The following ZFHX4 variants were observed in gnomAD, a reference collection of about 807,000 sequenced individuals.
ZFHX4 encodes zinc finger homeobox 4, also known as zinc finger homeobox protein 4.
ZFHX4 carries 56 observed loss-of-function variants against 267.6 expected under a neutral mutation model. The ratio of observed to expected loss-of-function variants is 0.21; its 90% CI spans 0.17 to 0.26. The LOEUF (loss-of-function observed/expected upper bound fraction) is 0.26, where lower values mean the gene tolerates loss of function less well. Among genes scored for constraint, ZFHX4 ranks in the 10% least tolerant of loss-of-function variants. The pLI, the probability that ZFHX4 is intolerant of heterozygous loss-of-function variation, is 1.00. For synonymous variants in ZFHX4, 1,778 were observed against 1,665.6 expected, an observed-to-expected ratio of 1.07 and a Z score of -1.64; for missense variants, 4,332 against 4,420.0, an observed-to-expected ratio of 0.98 and a Z score of 0.56.
At position 76,681,507 on chromosome 8, in the gene ZFHX4, T is replaced by G. The variant is rs911387319; in HGVS notation, c.-160T>G. The G allele has an allele frequency of 1.8e-5, 7 of 398,536 alleles. No individual in the cohort carries two copies. The highest frequency in any genetic ancestry group is 1.2e-4 in the African/African-American group (6 of 48,516). 24.7% of individuals were successfully genotyped at this position (398,536 alleles called of 1,614,324 possible). ...AGTTCGAGGATTATTTTTTATTTTT[T>G]TTGTTTTTTTAATGAACCCTCTCGT... On this transcript the variant is annotated 5_prime_UTR_variant, in exon 1 of 11. Transcript: ENST00000651372.
At chr8:76,849,202 T>C (rs1812444339) in intron 7 of ZFHX4, 74 bp downstream of exon 7, 1 of 1,453,054 alleles carries the variant, frequency 6.9e-7, no homozygotes. Flanking sequence ...AAGCCCCAAA[T>C]GATTCCATGC....
At chr8:76,703,594 C>G (rs1808159900) in intron 1 of ZFHX4, 1 of 154,250 alleles carries the variant, frequency 6.5e-6, no homozygotes, top group African/African-American at 2.4e-5. Flanking sequence ...ATCTCCCCTT[C>G]TAGTCACTGC....
chr8:76,720,683 T>G (rs965116049), intron 3 of ZFHX4, among the ~76,000 whole-genome samples: 1 of 152,204 alleles, frequency 6.6e-6, no homozygotes, highest in Non-Finnish European at 1.5e-5. Flanking sequence ...CTTATCCATC[T>G]TCTGTTCTTC....
At chr8:76,797,312 G>T (rs1811004706) in intron 4 of ZFHX4, among the ~76,000 whole-genome samples, 1 of 152,176 alleles carries the variant, frequency 6.6e-6, no homozygotes. Context: ...ATAAACAAGT[G>T]TTTTTAGAAA....
chr8:76,833,292 CTGGATA>C, intron 4 of ZFHX4, 40 bp from the exon 5 acceptor site: 1 of 1,538,372 alleles, frequency 6.5e-7, no homozygotes, highest in Non-Finnish European at 8.9e-7. Flanking sequence ...GATGAGAGAG[CTGGATA>C]TGGCATGCTG....
At chr8:76,810,519 C>T (rs1316486873) in intron 4 of ZFHX4, among the ~76,000 whole-genome samples, 1 of 152,136 alleles carries the variant, frequency 6.6e-6, no homozygotes, top group Non-Finnish European at 1.5e-5. Context: ...TAACCCTGGC[C>T]TCCAATGCTT....
At chr8:76,756,583 C>A (rs566569390) in intron 3 of ZFHX4, among the ~76,000 whole-genome samples, 111 of 152,116 alleles carry the variant, frequency 7.3e-4, no homozygotes, top group African/African-American at 2.6e-3. Flanking sequence ...CATGCATATA[C>A]CATCTATTAC....
At chr8:76,744,427 AT>A (rs1809403218) in intron 3 of ZFHX4, among the ~76,000 whole-genome samples, 1 of 151,356 alleles carries the variant, frequency 6.6e-6, no homozygotes, top group Admixed American at 6.6e-5. Flanking sequence ...TTATTTTTTT[AT>A]TTTTGAGACA....
At chr8:76,833,537 T>C (rs536240745) in intron 5 of ZFHX4, 131 bp downstream of exon 5, 1 of 645,546 alleles carries the variant, frequency 1.5e-6, no homozygotes, top group African/African-American at 1.9e-5. Flanking sequence ...CTTATTCAAA[T>C]AAGTAAAAAG....
Position 76,866,382 on chromosome 8 carries a change from GT to G in ZFHX4, c.*1822del, listed in dbSNP as rs1340578197. ...TCATTTTACATTTTATTATTGTACA[GT>G]TTTTGTTTCGGATGATGATCACAGC... is the stretch of plus-strand genomic sequence containing the variant. On this transcript the variant is annotated 3_prime_UTR_variant, in exon 11 of 11. Transcript: ENST00000651372. The G allele has an allele frequency of 1.3e-5, 2 of 151,782 alleles. No individual in the cohort carries two copies. The highest frequency in any genetic ancestry group is 1.5e-5 in the Non-Finnish European group (1 of 67,910). 9.4% of individuals were successfully genotyped at this position (151,782 alleles called of 1,614,324 possible).
At chr8:76,823,483 T>A (rs929574995) in intron 4 of ZFHX4, among the ~76,000 whole-genome samples, 2 of 152,180 alleles carry the variant, frequency 1.3e-5, no homozygotes, top group African/African-American at 2.4e-5. Flanking sequence ...TCATCTTGGC[T>A]CCAAGCTAGC....
intron 3 of ZFHX4, among the ~76,000 whole-genome samples, chr8:76,747,422 T>A (rs1809487417): frequency 6.6e-6 from 1 of 152,126 alleles, no homozygotes; most frequent in Non-Finnish European, 1.5e-5. Context: ...CTCACTCTTC[T>A]CCCACCCTCC....
At chr8:76,771,889 G>C (rs781680443) in intron 3 of ZFHX4, among the ~76,000 whole-genome samples, 1 of 152,162 alleles carries the variant, frequency 6.6e-6, no homozygotes, top group Non-Finnish European at 1.5e-5. Flanking sequence ...GGAAGAGAAA[G>C]CATCAAAGAT....
At chr8:76,822,458 T>A (rs912507317) in intron 4 of ZFHX4, among the ~76,000 whole-genome samples, 1 of 147,450 alleles carries the variant, frequency 6.8e-6, no homozygotes, top group East Asian at 2.0e-4. Flanking sequence ...ACCTCTTTTT[T>A]TTTTTTTTTT....
chr8:76,715,631 T>C (rs1368612764), intron 3 of ZFHX4, among the ~76,000 whole-genome samples: 2 of 152,070 alleles, frequency 1.3e-5, no homozygotes, highest in Non-Finnish European at 2.9e-5. Context: ...ATGAAAGTAC[T>C]GCTTAAAGAT....
At chr8:76,734,948 A>G (rs1809118234) in intron 3 of ZFHX4, among the ~76,000 whole-genome samples, 1 of 152,184 alleles carries the variant, frequency 6.6e-6, no homozygotes, top group Non-Finnish European at 1.5e-5. Context: ...CTTCAGACAT[A>G]CACAAAATTG....
intron 3 of ZFHX4, among the ~76,000 whole-genome samples, chr8:76,760,543 A>T (rs1306350017): frequency 6.6e-6 from 1 of 152,058 alleles, no homozygotes; most frequent in Non-Finnish European, 1.5e-5. Flanking sequence ...TGCATTATGG[A>T]GCTGTGAAGG....
At chr8:76,765,125 C>A in intron 3 of ZFHX4, among the ~76,000 whole-genome samples, 1 of 152,128 alleles carries the variant, frequency 6.6e-6, no homozygotes, top group East Asian at 1.9e-4. Flanking sequence ...TTGGAACTGC[C>A]TGGGCACTTG....
At chr8:76,712,689 A>C (rs964134845) in intron 3 of ZFHX4, among the ~76,000 whole-genome samples, 1 of 152,192 alleles carries the variant, frequency 6.6e-6, no homozygotes, top group Admixed American at 6.5e-5. Flanking sequence ...ATTTGTTTAG[A>C]TGAAGAAAGC....
Sources: gnomAD v4.1 joint callset for allele counts (sites outside exome capture counted in the v4.1 genomes callset) on GRCh38, gnomAD v4.1.1 for gene constraint, MANE v1.5 for transcripts, NCBI Gene and HGNC (gene_info 2026-07-23, HGNC 2026-07-21) for gene names.